Variants in DCLK1 observed in about 807,000 individuals in gnomAD.
The protein encoded by DCLK1 is doublecortin like kinase 1, also known as serine/threonine-protein kinase DCLK1.
In DCLK1, 16 loss-of-function variants were observed where a neutral mutation model predicts 86.2. The observed-to-expected ratio is 0.19, with a 90% CI of 0.13 to 0.28. DCLK1 has a LOEUF of 0.28. DCLK1 is among the 10% of genes least tolerant of loss of function. The pLI is 1.00. For synonymous variants in DCLK1, 369 were observed against 370.5 expected (o/e 1.00, Z 0.05); for missense variants, 590 against 940.2 (o/e 0.63, Z 4.87).
At chr13:35,838,311 C>CG (rs577686263) in intron 7 of DCLK1, among the ~76,000 whole-genome samples, 118 of 151,394 alleles carry the variant, frequency 7.8e-4, no homozygotes, top group African/African-American at 2.8e-3. Flanking sequence ...GTACTTTTTT[C>CG]GGAAAAAAAA....
At chr13:36,060,961 G>C (rs1883521809) in intron 3 of DCLK1, among the ~76,000 whole-genome samples, 1 of 152,154 alleles carries the variant, frequency 6.6e-6, no homozygotes, top group Non-Finnish European at 1.5e-5. Context: ...ACCTGGTTAG[G>C]AACAATGTGT....
At chr13:36,107,388 G>C (rs1043874354) in intron 3 of DCLK1, among the ~76,000 whole-genome samples, 2 of 141,872 alleles carry the variant, frequency 1.4e-5, no homozygotes, top group Admixed American at 7.3e-5. Flanking sequence ...CTGTCGCCCA[G>C]GCTGGAGTGC....
intron 3 of DCLK1, among the ~76,000 whole-genome samples, chr13:36,105,868 C>T (rs1435511600): frequency 5.9e-5 from 9 of 152,076 alleles, no homozygotes; most frequent in Non-Finnish European, 8.8e-5. Context: ...CAAGTTCTTT[C>T]CATCATCCCA....
At chr13:35,971,933 T>C (rs969773086) in intron 3 of DCLK1, among the ~76,000 whole-genome samples, 3 of 152,114 alleles carry the variant, frequency 2.0e-5, no homozygotes, top group Admixed American at 1.3e-4. Flanking sequence ...TCCTGTCTTC[T>C]ACCAGCTAAT....
chr13:36,128,891 C>T (rs1046325511), intron 1 of DCLK1, among the ~76,000 whole-genome samples: 1 of 152,126 alleles, frequency 6.6e-6, no homozygotes, highest in African/African-American at 2.4e-5. Context: ...GGTAACTGCT[C>T]TTACTTTTTA....
rs79188735 is a variant in DCLK1 at position 35,855,782 on chromosome 13, A to G, written c.941-1189T>C. 4.5e-3 allele frequency: 5,768 copies of G among 1,276,612 alleles called. 21 individuals are homozygous for G. Among genetic ancestry groups the G allele is most frequent in the Admixed American group, 7.4e-3 (224 of 30,182 alleles). The allele number at this position is 1,276,612 out of a possible 1,614,324, so 79.1% of individuals were successfully genotyped here. Reference sequence around the variant, plus strand: ...AAAGGTGTCAATTAAGCCTCTTGCCAACAGCAACCCCCATCCCGACACCAC... The same window carrying G: ...AAAGGTGTCAATTAAGCCTCTTGCCGACAGCAACCCCCATCCCGACACCAC... On this transcript the variant is annotated intron_variant, in intron 5 of 16. Transcript: ENST00000360631.
intron 3 of DCLK1, among the ~76,000 whole-genome samples, chr13:35,953,944 C>T (rs989757536): frequency 6.6e-6 from 1 of 152,264 alleles, no homozygotes; most frequent in African/African-American, 2.4e-5. Context: ...GTATCAGAGA[C>T]ACCAAAATAT....
chr13:35,946,065 A>T (rs1377628451), intron 4 of DCLK1, among the ~76,000 whole-genome samples: 2 of 152,202 alleles, frequency 1.3e-5, no homozygotes, highest in Admixed American at 6.5e-5. Context: ...CAGACCAAGT[A>T]CAGTGGCACA....
At chr13:35,866,490 T>G (rs974441272) in intron 5 of DCLK1, among the ~76,000 whole-genome samples, 1 of 148,690 alleles carries the variant, frequency 6.7e-6, no homozygotes, top group Non-Finnish European at 1.5e-5. Context: ...TCTCACTCAG[T>G]CATCCAGGCT....
At chr13:36,026,167 T>G (rs1882026149) in intron 3 of DCLK1, among the ~76,000 whole-genome samples, 1 of 152,244 alleles carries the variant, frequency 6.6e-6, no homozygotes, top group African/African-American at 2.4e-5. Flanking sequence ...AGAGCTTTGC[T>G]TCAATGATTT....
At position 35,808,305 on chromosome 13, in the gene DCLK1, C is replaced by T. The variant is rs2087070815; in HGVS notation, c.1782G>A (p.Gln594=). ...TCAAAATCTGATCAAAAAGCACCTC[C>T]TGGTCATCACCACTTCTGTTTAGGT... The part of the protein sequence containing the change: ...FPPFRGSGDD[Q]EVLFDQILMG... The change falls in exon 14 of 17, where the codon CAG becomes CAA. Residue 594 remains glutamine (Q), a synonymous_variant. Transcript: ENST00000360631. 3 of 1,614,100 alleles carry T rather than the reference C, an allele frequency of 1.9e-6. No individual in the cohort carries two copies. The highest frequency in any genetic ancestry group is 2.5e-6 in the Non-Finnish European group (3 of 1,179,966).
At chr13:36,012,462 T>G (rs1468444021) in intron 3 of DCLK1, among the ~76,000 whole-genome samples, 3 of 149,906 alleles carry the variant, frequency 2.0e-5, no homozygotes, top group Non-Finnish European at 3.0e-5. Context: ...GTCTGTAAAG[T>G]ATTTTATTTA....
intron 3 of DCLK1, among the ~76,000 whole-genome samples, chr13:35,971,589 C>A (rs1879061740): frequency 6.6e-6 from 1 of 152,102 alleles, no homozygotes; most frequent in African/African-American, 2.4e-5. Context: ...ATGGTGAAAA[C>A]CTGTCTCTAC....
At chr13:35,880,306 G>C (rs1284986009) in intron 4 of DCLK1, among the ~76,000 whole-genome samples, 1 of 152,186 alleles carries the variant, frequency 6.6e-6, no homozygotes, top group African/African-American at 2.4e-5. Flanking sequence ...TGGGGCAGAG[G>C]TTAGAGAAAG....
Position 35,940,770 on chromosome 13 carries a change from C to T in DCLK1, c.823+6588G>A, listed in dbSNP as rs145211360. ...TAATTCCCTCTCACCTCCACCACAG[C>T]AACAAAAGTTAAGAGTGGAAGAAAG... On this transcript the variant is annotated intron_variant, in intron 4 of 16. Coordinates refer to ENST00000360631, the MANE Select transcript of DCLK1 (RefSeq NM_001330071.2). Among the ~76,000 whole-genome samples the T allele has an allele frequency of 5.2e-3, 791 of 152,284 alleles. 5 individuals carry two copies. Among genetic ancestry groups the T allele is most frequent in the Middle Eastern group, 0.01 (3 of 294 alleles).
intron 3 of DCLK1, among the ~76,000 whole-genome samples, chr13:35,975,698 C>A (rs1470056357): frequency 6.6e-6 from 1 of 152,178 alleles, no homozygotes; most frequent in African/African-American, 2.4e-5. Context: ...TCATACAGAT[C>A]TGCTCAGGCT....
At chr13:35,907,663 A>G (rs1874762017) in intron 4 of DCLK1, among the ~76,000 whole-genome samples, 1 of 152,152 alleles carries the variant, frequency 6.6e-6, no homozygotes, top group Admixed American at 6.6e-5. Flanking sequence ...TGCAGAGGCC[A>G]TCCCAGGCCC....
chr13:35,943,578 G>A (rs1011932796), intron 4 of DCLK1, among the ~76,000 whole-genome samples: 8 of 152,086 alleles, frequency 5.3e-5, no homozygotes, highest in African/African-American at 1.4e-4. Flanking sequence ...CTGGACTCCC[G>A]AGCACGCAGC....
intron 3 of DCLK1, among the ~76,000 whole-genome samples, chr13:35,991,458 C>T (rs988940549): frequency 1.3e-5 from 2 of 151,976 alleles, no homozygotes; most frequent in Non-Finnish European, 2.9e-5. Flanking sequence ...CCCAGGAGTT[C>T]GAGACCAGCC....
Sources: allele counts gnomAD v4.1 joint callset (sites outside exome capture counted in the v4.1 genomes callset), GRCh38; gene constraint gnomAD v4.1.1; transcripts MANE v1.5; gene names NCBI Gene and HGNC (gene_info 2026-07-23, HGNC 2026-07-21).